The following GALC variants were observed in gnomAD, a reference collection of about 807,000 sequenced individuals.
GALC encodes the protein galactocerebrosidase.
GALC carries 77 observed loss-of-function variants against 91.8 expected under a neutral mutation model. The observed-to-expected ratio is 0.84, with a 90% CI of 0.70 to 1.01. The LOEUF (loss-of-function observed/expected upper bound fraction) is 1.01. GALC is among the 50% of genes least tolerant of loss of function. The pLI, the probability that GALC is intolerant of heterozygous loss-of-function variation, is 0.00. For missense variants in GALC, 882 were observed against 855.9 expected (o/e 1.03, Z -0.38); for synonymous variants, 357 against 306.7 (o/e 1.16, Z -1.71).
chr14:87,976,553 A>T, intron 6 of GALC, 65 bp from the exon 7 acceptor site: 1 of 1,255,166 alleles, frequency 8.0e-7, no homozygotes, highest in Non-Finnish European at 1.2e-6. Flanking sequence ...TGAATTTATG[A>T]CCAAGATAGA....
chr14:87,988,670 T>G (rs1009666999), intron 1 of GALC, 147 bp from the exon 2 acceptor site: 5 of 708,746 alleles, frequency 7.1e-6, no homozygotes, highest in Non-Finnish European at 1.3e-5. Flanking sequence ...GTTGTCTGTC[T>G]GCCCTTTCTG....
At chr14:87,978,182 G>A (rs1886584988) in intron 6 of GALC, among the ~76,000 whole-genome samples, 1 of 152,190 alleles carries the variant, frequency 6.6e-6, no homozygotes, top group Non-Finnish European at 1.5e-5. Flanking sequence ...CTCTCAAGTA[G>A]CTGGGATTAC....
At chr14:87,949,270 T>C (rs1299544303) in intron 12 of GALC, among the ~76,000 whole-genome samples, 1 of 151,966 alleles carries the variant, frequency 6.6e-6, no homozygotes, top group Non-Finnish European at 1.5e-5. Context: ...AGAGGCCAGT[T>C]TAGTAGGACA....
intron 10 of GALC, chr14:87,952,606 A>C: frequency 6.7e-7 from 1 of 1,499,306 alleles, no homozygotes; most frequent in Non-Finnish European, 9.2e-7. Context: ...AAAAAAATTC[A>C]GCTTTTATAC....
At chr14:87,987,199 C>T (rs1198443677) in intron 3 of GALC, 1 of 342,754 alleles carries the variant, frequency 2.9e-6, no homozygotes, top group African/African-American at 2.2e-5. Context: ...CTATCAAAGT[C>T]CTCGTATATT....
chr14:87,951,486 C>T (rs1165929665), intron 10 of GALC, among the ~76,000 whole-genome samples: 1 of 151,848 alleles, frequency 6.6e-6, no homozygotes, highest in African/African-American at 2.4e-5. Flanking sequence ...AACAACACTA[C>T]CAAACAACAT....
chr14:87,968,010 TTAGAGA>T (rs1219317649), intron 8 of GALC, among the ~76,000 whole-genome samples: 8 of 152,212 alleles, frequency 5.3e-5, no homozygotes, highest in East Asian at 1.9e-4. Context: ...GCTAAAATAT[TTAGAGA>T]TAAAGTGTCC....
Position 87,993,024 on chromosome 14 carries a change from G to C in GALC, c.141C>G (p.Asp47Glu). Reference protein sequence around the residue: ...LAPGGAYVLDDSDGLGREFDG... With the variant: ...LAPGGAYVLDESDGLGREFDG... Reference sequence around the variant, plus strand: ...CGAACTCCCGGCCCAGCCCGTCGGAGTCGTCGAGCACGTACGCGCCGCCGG... The same window carrying C: ...CGAACTCCCGGCCCAGCCCGTCGGACTCGTCGAGCACGTACGCGCCGCCGG... The change falls in exon 1 of 17, where the codon GAC becomes GAG. Residue 47 changes from aspartate (D) to glutamate (E), a missense_variant. Coordinates refer to ENST00000261304, the MANE Select transcript of GALC (RefSeq NM_000153.4). 6.5e-7 allele frequency: 1 copy of C among 1,549,788 alleles called. No homozygotes were observed. Among genetic ancestry groups the C allele is most frequent in the Non-Finnish European group, 8.7e-7 (1 of 1,153,000 alleles).
chr14:87,992,286 A>G (rs1595244853), intron 1 of GALC: 1 of 1,535,674 alleles, frequency 6.5e-7, no homozygotes, highest in East Asian at 2.4e-5. Flanking sequence ...CAAAACCAAA[A>G]AACAAAAACC....
chr14:87,982,100 A>AG, intron 6 of GALC, 105 bp downstream of exon 6: 1 of 645,172 alleles, frequency 1.5e-6, no homozygotes, highest in Non-Finnish European at 2.7e-6. Flanking sequence ...AGTATAAAAA[A>AG]TACGGTATTT....
intron 10 of GALC, among the ~76,000 whole-genome samples, chr14:87,962,259 T>C (rs749664853): frequency 1.1e-4 from 16 of 152,092 alleles, no homozygotes; most frequent in Non-Finnish European, 1.8e-4. Flanking sequence ...TGACTATCCT[T>C]GGGAGTGGTT....
At chr14:87,984,312 A>T (rs1886876576) in intron 5 of GALC, 82 bp downstream of exon 5, 1 of 1,422,270 alleles carries the variant, frequency 7.0e-7, no homozygotes, top group Non-Finnish European at 9.7e-7. Flanking sequence ...ATGGTTAGTC[A>T]AAAAGTACCA....
intron 5 of GALC, 106 bp downstream of exon 5, chr14:87,984,288 C>T: frequency 9.2e-7 from 1 of 1,090,100 alleles, no homozygotes; most frequent in South Asian, 1.5e-5. Context: ...AACAAATTAG[C>T]CTCATGGCAT....
intron 5 of GALC, among the ~76,000 whole-genome samples, chr14:87,983,288 C>T (rs1402756757): frequency 1.3e-5 from 2 of 151,804 alleles, no homozygotes; most frequent in Non-Finnish European, 2.9e-5. Context: ...GCCAAGATCA[C>T]AACACTGCAC....
In GALC at chr14:87,972,075, G is replaced by A. The variant is rs151033561; in HGVS notation, c.753-3585C>T. ...AGGAATAGTCTTCCTATGAAGATGTGAGCCAAGAAATATCTCCTGAACAAA... is the reference window on the plus strand; with the variant it reads ...AGGAATAGTCTTCCTATGAAGATGTAAGCCAAGAAATATCTCCTGAACAAA... On this transcript the variant is annotated intron_variant, in intron 7 of 16. Transcript: ENST00000261304. 8.5e-4 allele frequency among the ~76,000 whole-genome samples: 130 copies of A among 152,202 alleles called. 3 individuals carry two copies. In the East Asian group the frequency reaches 0.019, roughly 23 times the overall value.
Position 87,934,606 on chromosome 14 carries a change from T to C in GALC, c.*126A>G. On this transcript the variant is annotated 3_prime_UTR_variant, in exon 17 of 17. Transcript: ENST00000261304. ...ATTAAAAATAAATTTCTCTCCCCTT[T>C]TACTCTTCATTATTTTTAGTCTCAA... is the stretch of plus-strand genomic sequence containing the variant. 1.3e-6 allele frequency: 2 copies of C among 1,559,762 alleles called. No homozygotes were observed. The highest frequency in any genetic ancestry group is 2.4e-5 in the South Asian group (2 of 84,592).
intron 6 of GALC, among the ~76,000 whole-genome samples, chr14:87,978,110 T>G (rs941311127): frequency 6.6e-6 from 1 of 152,216 alleles, no homozygotes; most frequent in Non-Finnish European, 1.5e-5. Flanking sequence ...TGGGGTGTAA[T>G]GGCATGATAT....
chr14:87,976,232 G>T (rs2140015733), intron 7 of GALC, 126 bp downstream of exon 7: 1 of 939,548 alleles, frequency 1.1e-6, no homozygotes, highest in Non-Finnish European at 1.7e-6. Flanking sequence ...CATGCTTCAG[G>T]TAAGTGAATA....
rs1452753375 is a variant in GALC, at chr14:87,935,004, G to A, written c.1912-126C>T. On this transcript the variant is annotated intron_variant, in intron 16 of 16. Transcript: ENST00000261304. ...ACTACTCACTCAAGACTTAACCACA[G>A]CAAAACACAATTCCACAAGTTTGAG... 8.6e-6 allele frequency: 6 copies of A among 694,370 alleles called. No homozygotes were observed. The East Asian group carries it at 1.6e-4, about 19-fold the overall frequency. The allele number at this position is 694,370 out of a possible 1,614,324, so 43.0% of individuals were successfully genotyped here.
Sources: gnomAD v4.1 joint callset for allele counts (sites outside exome capture counted in the v4.1 genomes callset) on GRCh38, gnomAD v4.1.1 for gene constraint, MANE v1.5 for transcripts, NCBI Gene and HGNC (gene_info 2026-07-23, HGNC 2026-07-21) for gene names.